Variants in AGTPBP1 observed in about 807,000 individuals in gnomAD.
AGTPBP1 encodes the protein ATP/GTP binding carboxypeptidase 1.
Under a neutral mutation model 143.9 loss-of-function variants are expected in AGTPBP1, and 70 were observed. The ratio of observed to expected loss-of-function variants is 0.49; its 90% CI spans 0.40 to 0.59. AGTPBP1 has a LOEUF of 0.59. AGTPBP1 is among the 20% of genes least tolerant of loss of function. The pLI, the probability that AGTPBP1 is intolerant of heterozygous loss-of-function variation, is 0.00. For synonymous variants in AGTPBP1, 463 were observed against 500.2 expected (o/e 0.93, Z 0.99); for missense variants, 1,229 against 1,464.5 (o/e 0.84, Z 2.62).
intron 2 of AGTPBP1, among the ~76,000 whole-genome samples, chr9:85,695,444 C>T (rs1836161734): frequency 6.6e-6 from 1 of 152,160 alleles, no homozygotes; most frequent in South Asian, 2.1e-4. Flanking sequence ...CATAAAAATA[C>T]TAACACATTA....
intron 1 of AGTPBP1, among the ~76,000 whole-genome samples, chr9:85,734,391 C>G (rs1028267637): frequency 1.3e-5 from 2 of 151,930 alleles, no homozygotes; most frequent in Non-Finnish European, 2.9e-5. Flanking sequence ...GGAACGCTTC[C>G]TACCTCATTC....
chr9:85,548,679 T>G (rs12001406), intron 25 of AGTPBP1, among the ~76,000 whole-genome samples: 1,611 of 143,272 alleles, frequency 0.011, 33 homozygotes, highest in African/African-American at 0.043. Flanking sequence ...TTTTTTGTTT[T>G]TGTTTTTGTT....
chr9:85,786,397 T>C, the AGTPBP1 span: 1 of 1,613,984 alleles, frequency 6.2e-7, no homozygotes, highest in Non-Finnish European at 8.5e-7. Flanking sequence ...CATCCCAAAT[T>C]CAGGTTGTGG....
chr9:85,559,123 CA>C (rs1188452679), intron 25 of AGTPBP1, among the ~76,000 whole-genome samples: 1 of 152,128 alleles, frequency 6.6e-6, no homozygotes. Flanking sequence ...TTGCTAAGCA[CA>C]AAAATACTAC....
chr9:85,696,010 T>C (rs1436264181), intron 2 of AGTPBP1, among the ~76,000 whole-genome samples: 1 of 152,092 alleles, frequency 6.6e-6, no homozygotes, highest in East Asian at 1.9e-4. Flanking sequence ...CCCAGCTAAT[T>C]TTTATATTTT....
chr9:85,566,601 A>T (rs1288665990), intron 25 of AGTPBP1, among the ~76,000 whole-genome samples: 1 of 151,744 alleles, frequency 6.6e-6, no homozygotes, highest in African/African-American at 2.4e-5. Context: ...CCTGTCCCAA[A>T]GACAGAGCAA....
At chr9:85,709,604 T>C (rs1044734662) in intron 2 of AGTPBP1, among the ~76,000 whole-genome samples, 9 of 152,144 alleles carry the variant, frequency 5.9e-5, no homozygotes, top group East Asian at 1.9e-4. Flanking sequence ...ACAGATTCTA[T>C]ACTGTTGTAT....
intron 11 of AGTPBP1, among the ~76,000 whole-genome samples, chr9:85,648,323 G>A (rs1225600866): frequency 6.6e-6 from 1 of 152,064 alleles, no homozygotes; most frequent in East Asian, 1.9e-4. Flanking sequence ...CAGTTTAGTC[G>A]ACCCTAACTA....
chr9:85,575,540 G>A, intron 24 of AGTPBP1, 65 bp from the exon 25 acceptor site: 2 of 1,324,440 alleles, frequency 1.5e-6, no homozygotes, highest in Non-Finnish European at 2.0e-6. Flanking sequence ...ACAGCTCAAT[G>A]AAATTATATA....
rs1349069611 is a variant in AGTPBP1, at chr9:85,741,924, T to TGCG, written c.-186_-184dup. The TGCG allele has an allele frequency of 5.9e-5, 78 of 1,311,446 alleles. No homozygotes were observed. In the East Asian group the frequency reaches 1.7e-3, roughly 29 times the overall value. The allele number at this position is 1,311,446 out of a possible 1,614,324, so 81.2% of individuals were successfully genotyped here. A position where few individuals can be genotyped will look rare whatever the true frequency, so the allele number is the denominator to read the frequency against. ...AGGCGGAGGCGGCGGCGGCGGCAGC[T>TGCG]GCGGCGGCGGCGCTGGAGGCGGCGG... On this transcript the variant is annotated 5_prime_UTR_variant, in exon 1 of 26. Transcript: ENST00000357081.
At chr9:85,672,313 C>G (rs955837872) in intron 7 of AGTPBP1, among the ~76,000 whole-genome samples, 7 of 152,174 alleles carry the variant, frequency 4.6e-5, no homozygotes, top group Non-Finnish European at 8.8e-5. Context: ...AGGTGATCCG[C>G]CCGCCTTGGC....
chr9:85,593,356 G>A (rs1829091703), intron 18 of AGTPBP1, among the ~76,000 whole-genome samples: 1 of 152,048 alleles, frequency 6.6e-6, no homozygotes, highest in Admixed American at 6.5e-5. Flanking sequence ...GAATGAATGA[G>A]AAATTTAAAA....
the AGTPBP1 span, among the ~76,000 whole-genome samples, chr9:85,759,904 C>T: frequency 6.6e-6 from 1 of 152,022 alleles, no homozygotes; most frequent in Non-Finnish European, 1.5e-5. Context: ...AGAGAAGAAT[C>T]AAATAGATGC....
At chr9:85,681,384 ATG>A in intron 3 of AGTPBP1, 49 bp from the exon 4 acceptor site, 1 of 1,539,638 alleles carries the variant, frequency 6.5e-7, no homozygotes, top group East Asian at 2.3e-5. Flanking sequence ...TTTTAAAAGT[ATG>A]TATAGTTTTG....
At chr9:85,686,384 A>T (rs570919830) in intron 3 of AGTPBP1, among the ~76,000 whole-genome samples, 2 of 152,238 alleles carry the variant, frequency 1.3e-5, no homozygotes, top group South Asian at 4.1e-4. Flanking sequence ...ATAATTATAA[A>T]GGGGTAAATC....
Position 85,589,776 on chromosome 9 carries a change from G to T in AGTPBP1, c.2569-95C>A. The T allele has an allele frequency of 1.5e-5, 19 of 1,228,024 alleles. 1 individual carries two copies. Among genetic ancestry groups the T allele is most frequent in the Non-Finnish European group, 2.1e-5 (19 of 898,326 alleles). The allele number at this position is 1,228,024 out of a possible 1,614,324, so 76.1% of individuals were successfully genotyped here. The stretch of plus-strand genomic sequence containing the variant: ...TCCAGATCTCCACATAACTAGAAGT[G>T]AATCAGATTCTTAACCCCTTATCCA... On this transcript the variant is annotated intron_variant, in intron 19 of 25. Coordinates refer to ENST00000357081, the MANE Select transcript of AGTPBP1 (RefSeq NM_001330701.2).
At chr9:85,560,680 T>C (rs1826651764) in intron 25 of AGTPBP1, among the ~76,000 whole-genome samples, 1 of 151,790 alleles carries the variant, frequency 6.6e-6, no homozygotes, top group African/African-American at 2.4e-5. Flanking sequence ...AAAAGATAAA[T>C]TTAATGTCAG....
intron 2 of AGTPBP1, among the ~76,000 whole-genome samples, chr9:85,703,448 G>A (rs1195081722): frequency 6.6e-6 from 1 of 152,206 alleles, no homozygotes; most frequent in Non-Finnish European, 1.5e-5. Flanking sequence ...AATGGGCATG[G>A]AGAAATACAC....
chr9:85,653,404 G>A (rs1833293993), intron 11 of AGTPBP1, among the ~76,000 whole-genome samples: 1 of 152,092 alleles, frequency 6.6e-6, no homozygotes, highest in South Asian at 2.1e-4. Context: ...AGGCATCAAA[G>A]GAACTAAAAG....
Sources: gnomAD v4.1 joint callset for allele counts (sites outside exome capture counted in the v4.1 genomes callset) on GRCh38, gnomAD v4.1.1 for gene constraint, MANE v1.5 for transcripts, NCBI Gene and HGNC (gene_info 2026-07-23, HGNC 2026-07-21) for gene names.